Variants in WDPCP observed in about 807,000 individuals in gnomAD.
The protein encoded by WDPCP is WD repeat containing planar cell polarity effector.
Under a neutral mutation model 93.1 loss-of-function variants are expected in WDPCP, and 71 were observed. The observed-to-expected ratio is 0.76, with a 90% confidence interval of 0.63 to 0.93. The LOEUF (loss-of-function observed/expected upper bound fraction) is 0.93, where lower values mean the gene tolerates loss of function less well. Ranked by LOEUF, WDPCP falls within the 40% of genes least tolerant of loss-of-function variation. WDPCP has a pLI of 0.00. For missense variants in WDPCP, 844 were observed against 887.4 expected (o/e 0.95, Z 0.62); for synonymous variants, 315 against 315.0 (o/e 1.00, Z 0.00).
At chr2:63,676,878 C>G (rs541895864) in intron 2 of WDPCP, among the ~76,000 whole-genome samples, 121 of 152,132 alleles carry the variant, frequency 8.0e-4, no homozygotes, top group African/African-American at 2.7e-3. Context: ...TGCCAATGTT[C>G]GTTTTTTGGT....
At chr2:63,771,628 G>A (rs1670227830) in intron 2 of WDPCP, among the ~76,000 whole-genome samples, 1 of 151,748 alleles carries the variant, frequency 6.6e-6, no homozygotes, top group Non-Finnish European at 1.5e-5. Context: ...CTGAGGTTTG[G>A]GGTACAATTG....
chr2:63,313,428 T>A, intron 12 of WDPCP, 117 bp from the exon 13 acceptor site: 1 of 1,058,768 alleles, frequency 9.4e-7, no homozygotes, highest in Non-Finnish European at 1.4e-6. Context: ...GGAAAAATAT[T>A]TTCAAACAGA....
At chr2:63,248,115 T>G (rs1559244880) in intron 14 of WDPCP, among the ~76,000 whole-genome samples, 1 of 152,194 alleles carries the variant, frequency 6.6e-6, no homozygotes, top group East Asian at 1.9e-4. Context: ...ACTAAAGAGC[T>G]TTATAATTAT....
At chr2:63,829,177 T>G (rs963336240), upstream of WDPCP, among the ~76,000 whole-genome samples, 12 of 152,134 alleles carry the variant, frequency 7.9e-5, no homozygotes, top group Non-Finnish European at 2.9e-5. Flanking sequence ...GGAAATACAT[T>G]TTACAGGTAT....
intron 15 of WDPCP, among the ~76,000 whole-genome samples, chr2:63,161,784 C>T (rs1487437760): frequency 7.0e-6 from 1 of 142,806 alleles, no homozygotes; most frequent in Non-Finnish European, 1.5e-5. Flanking sequence ...TTTTTTTTGA[C>T]ACGGAGTCTT....
chr2:63,560,622 C>T (rs1706536027), intron 1 of WDPCP, among the ~76,000 whole-genome samples: 1 of 152,132 alleles, frequency 6.6e-6, no homozygotes, highest in Non-Finnish European at 1.5e-5. Context: ...GAAAATGTGG[C>T]ACATATACAC....
chr2:63,196,837 G>A (rs1210088495), intron 14 of WDPCP, among the ~76,000 whole-genome samples: 1 of 152,148 alleles, frequency 6.6e-6, no homozygotes, highest in African/African-American at 2.4e-5. Context: ...AGACCATGAG[G>A]AAGAAGACAT....
At chr2:63,840,049 T>C in the WDPCP span, among the ~76,000 whole-genome samples, 18 of 152,250 alleles carry the variant, frequency 1.2e-4, no homozygotes, top group Non-Finnish European at 2.1e-4. Context: ...TTACCTTGGT[T>C]GATTAGTGCT....
At chr2:63,389,272 A>G (rs1693011068) in intron 10 of WDPCP, among the ~76,000 whole-genome samples, 2 of 152,348 alleles carry the variant, frequency 1.3e-5, no homozygotes, top group Non-Finnish European at 2.9e-5. Context: ...AGAATTTTCA[A>G]CCCAGAATCT....
At chr2:63,622,424 T>C in intron 3 of WDPCP, 3 of 1,613,850 alleles carry the variant, frequency 1.9e-6, no homozygotes, top group South Asian at 2.2e-5. Flanking sequence ...AGACACCAAA[T>C]AAGCTAGAGG....
chr2:63,483,602 T>C (rs573247311), intron 6 of WDPCP, among the ~76,000 whole-genome samples: 7 of 151,978 alleles, frequency 4.6e-5, no homozygotes, highest in Admixed American at 4.6e-4. Context: ...CTGTTTATAA[T>C]TGCTACAAAT....
intron 6 of WDPCP, among the ~76,000 whole-genome samples, chr2:63,483,127 C>T (rs1307133050): frequency 1.3e-5 from 2 of 151,736 alleles, no homozygotes; most frequent in Admixed American, 1.3e-4. Context: ...TTAAGATGCC[C>T]GACATGTTCC....
intron 2 of WDPCP, among the ~76,000 whole-genome samples, chr2:63,747,670 T>G (rs1480089158): frequency 6.6e-6 from 1 of 152,104 alleles, no homozygotes; most frequent in Non-Finnish European, 1.5e-5. Context: ...TGTACTATCT[T>G]AAGAACCACA....
chr2:63,282,182 T>C (rs1683610460), intron 13 of WDPCP, among the ~76,000 whole-genome samples: 1 of 152,096 alleles, frequency 6.6e-6, no homozygotes, highest in Non-Finnish European at 1.5e-5. Context: ...TACAAAGTTA[T>C]GGTAACCCAA....
At chr2:63,648,210 C>T (rs1433988506) in intron 3 of WDPCP, among the ~76,000 whole-genome samples, 1 of 152,144 alleles carries the variant, frequency 6.6e-6, no homozygotes, top group African/African-American at 2.4e-5. Context: ...CAAATCTTTA[C>T]TCTTATCCCC....
At chr2:63,271,991 C>T (rs1169908978) in intron 13 of WDPCP, among the ~76,000 whole-genome samples, 1 of 152,192 alleles carries the variant, frequency 6.6e-6, no homozygotes, top group African/African-American at 2.4e-5. Context: ...CACCCACCAA[C>T]CACTGCCACT....
chr2:63,464,080 A>G (rs1350599651), intron 6 of WDPCP, among the ~76,000 whole-genome samples: 1 of 152,182 alleles, frequency 6.6e-6, no homozygotes, highest in Non-Finnish European at 1.5e-5. Flanking sequence ...ATGAAAAGGT[A>G]ACCTACAGAA....
In WDPCP at chr2:63,585,050, T is replaced by C. The variant is rs112441552; in HGVS notation, c.75+3147A>G. On this transcript the variant is annotated intron_variant, in intron 1 of 17. Transcript: ENST00000272321. Reference sequence around the variant, plus strand: ...GATTAAAACTTTTATCCTATTAAAATATCCTGTATTTCACCATTCCTGAAA... The same window carrying C: ...GATTAAAACTTTTATCCTATTAAAACATCCTGTATTTCACCATTCCTGAAA... Among the ~76,000 whole-genome samples the C allele has an allele frequency of 1.6e-3, 239 of 152,340 alleles. 1 individual carries two copies. The highest frequency in any genetic ancestry group is 5.5e-3 in the African/African-American group (227 of 41,584).
chr2:63,325,287 C>A (rs1345518982), intron 12 of WDPCP, among the ~76,000 whole-genome samples: 1 of 152,108 alleles, frequency 6.6e-6, no homozygotes, highest in Non-Finnish European at 1.5e-5. Context: ...AAAAAGATTG[C>A]CCAATGAGAA....
Sources: gnomAD v4.1 joint callset for allele counts (sites outside exome capture counted in the v4.1 genomes callset) on GRCh38, gnomAD v4.1.1 for gene constraint, MANE v1.5 for transcripts, NCBI Gene and HGNC (gene_info 2026-07-23, HGNC 2026-07-21) for gene names.